The following SORD variants were observed in gnomAD, a reference collection of about 807,000 sequenced individuals.
The protein encoded by SORD is (R,R)-butanediol dehydrogenase.
SORD carries 18 observed loss-of-function variants against 35.6 expected under a neutral mutation model. That is an observed-to-expected ratio of 0.51 (90% CI 0.35 to 0.75). The LOEUF is 0.75. SORD is among the 30% of genes least tolerant of loss of function. The pLI is 0.01. For missense variants in SORD, 250 were observed against 390.2 expected (o/e 0.64, Z 3.03); for synonymous variants, 106 against 152.9 (o/e 0.69, Z 2.26).
chr15:45,035,624 G>A lies in SORD; in HGVS notation c.67-4784G>A, dbSNP rs980818582. ...CTGCCTGAGCCAGCAGTGGCAACTC[G>A]CTGGGGTCCCCTTCCACACTGTGGA... On this transcript the variant is annotated intron_variant, in intron 1 of 8. Coordinates refer to ENST00000267814, the MANE Select transcript of SORD (RefSeq NM_003104.6). Among the ~76,000 whole-genome samples, 179 of 152,144 alleles carry A rather than the reference G, an allele frequency of 1.2e-3. 2 individuals carry two copies. The highest frequency in any genetic ancestry group is 3.5e-4 in the Non-Finnish European group (24 of 68,014).
At chr15:45,054,225 C>T (rs1044762532) in intron 3 of SORD, among the ~76,000 whole-genome samples, 2 of 152,268 alleles carry the variant, frequency 1.3e-5, no homozygotes, top group Admixed American at 1.3e-4. Context: ...GCCACACTGA[C>T]TTCCACAGTG....
chr15:45,066,834 G>A (rs1389474981), intron 5 of SORD, among the ~76,000 whole-genome samples: 1 of 152,114 alleles, frequency 6.6e-6, no homozygotes. Flanking sequence ...TCAGGTGACA[G>A]ATTCTTATAA....
At chr15:45,059,414 G>C (rs1595505460) in intron 3 of SORD, among the ~76,000 whole-genome samples, 1 of 152,026 alleles carries the variant, frequency 6.6e-6, no homozygotes, top group East Asian at 1.9e-4. Context: ...AAACAACCAG[G>C]TTTTTTCCAT....
intron 4 of SORD, among the ~76,000 whole-genome samples, chr15:45,061,613 A>G (rs1318294720): frequency 1.3e-5 from 2 of 151,890 alleles, no homozygotes; most frequent in African/African-American, 4.8e-5. Context: ...CATGCCTGTA[A>G]TCCCAGCACT....
In SORD at chr15:45,068,213, A is replaced by C. The variant is rs768887678; in HGVS notation, c.577A>C (p.Lys193Gln). The C allele has an allele frequency of 1.2e-6, 2 of 1,613,804 alleles. No individual in the cohort carries two copies. The highest frequency in any genetic ancestry group is 1.7e-5 in the Admixed American group (1 of 60,004). ...PIGMVTLLVAKAMGAAQVVVT... is the reference protein window; with the variant it reads ...PIGMVTLLVAQAMGAAQVVVT... Reference sequence around the variant, plus strand: ...CGGGATGGTCACTTTGCTCGTGGCCAAAGCAATGGGAGCAGCTCAAGTAGT... The same window carrying C: ...CGGGATGGTCACTTTGCTCGTGGCCCAAGCAATGGGAGCAGCTCAAGTAGT... Residue 193 changes from lysine (K) to glutamine (Q), a missense_variant, in exon 6 of 9, where the codon AAA (lysine) becomes CAA (glutamine). Physicochemically the swap from Lys to Gln is moderately conservative, Grantham distance 53. Coordinates refer to ENST00000267814, the MANE Select transcript of SORD (RefSeq NM_003104.6).
Position 45,023,254 on chromosome 15 carries a change from C to T in SORD, c.-30C>T. The T allele has an allele frequency of 6.5e-7, 1 of 1,531,334 alleles. No individual in the cohort carries two copies. Among genetic ancestry groups the T allele is most frequent in the Non-Finnish European group, 8.8e-7 (1 of 1,139,708 alleles). 94.9% of individuals were successfully genotyped at this position (1,531,334 alleles called of 1,614,324 possible). A position where few individuals can be genotyped will look rare whatever the true frequency, so the allele number is the denominator to read the frequency against. On this transcript the variant is annotated 5_prime_UTR_variant, in exon 1 of 9. Transcript: ENST00000267814. ...GAGCGACCAAACGTCCCGCGCCTTC[C>T]AGGCCGCACTCCAGAGCCAAAAGAG...
chr15:45,071,179 G>T (rs2141128652), intron 7 of SORD, among the ~76,000 whole-genome samples: 1 of 152,308 alleles, frequency 6.6e-6, no homozygotes, highest in Admixed American at 6.5e-5. Context: ...TGTCCAGGTG[G>T]TTCCAGCATT....
intron 1 of SORD, among the ~76,000 whole-genome samples, chr15:45,024,885 C>T (rs763574236): frequency 4.1e-4 from 62 of 152,216 alleles, no homozygotes; most frequent in Non-Finnish European, 7.5e-4. Context: ...AGAGAAAAGA[C>T]GCCACAGGGA....
chr15:45,027,537 G>C (rs1028318798), intron 1 of SORD, among the ~76,000 whole-genome samples: 3 of 152,258 alleles, frequency 2.0e-5, no homozygotes, highest in African/African-American at 7.2e-5. Flanking sequence ...AGCCCCTGAG[G>C]ACGGACACTT....
intron 7 of SORD, among the ~76,000 whole-genome samples, chr15:45,069,493 A>C (rs188399365): frequency 6.6e-6 from 1 of 151,938 alleles, no homozygotes; most frequent in African/African-American, 2.4e-5. Flanking sequence ...TACAGGCGCT[A>C]TCTCTGTTTT....
chr15:45,023,226 C>A lies in SORD; in HGVS notation c.-58C>A. On this transcript the variant is annotated 5_prime_UTR_variant, in exon 1 of 9. Coordinates refer to ENST00000267814, the MANE Select transcript of SORD (RefSeq NM_003104.6). ...CTGGACCCTCGGCTGGGTAGCGCCA[C>A]CAGAGCGACCAAACGTCCCGCGCCT... is the stretch of plus-strand genomic sequence containing the variant. The A allele has an allele frequency of 6.9e-7, 1 of 1,440,054 alleles. No homozygotes were observed. The highest frequency in any genetic ancestry group is 9.3e-7 in the Non-Finnish European group (1 of 1,077,774). 89.2% of individuals were successfully genotyped at this position (1,440,054 alleles called of 1,614,324 possible).
At chr15:45,060,595 CTT>C (rs1466536321) in intron 3 of SORD, among the ~76,000 whole-genome samples, 1 of 152,156 alleles carries the variant, frequency 6.6e-6, no homozygotes, top group Non-Finnish European at 1.5e-5. Flanking sequence ...AATTATAGCT[CTT>C]GTCTTTGTAA....
intron 3 of SORD, chr15:45,060,836 G>A: frequency 1.3e-6 from 1 of 782,282 alleles, no homozygotes; most frequent in South Asian, 1.8e-5. Context: ...GAGTGACTCT[G>A]TGCTTCATCC....
At chr15:45,069,215 T>C (rs1893466664) in intron 7 of SORD, among the ~76,000 whole-genome samples, 163 bp downstream of exon 7, 1 of 135,456 alleles carries the variant, frequency 7.4e-6, no homozygotes, top group East Asian at 2.1e-4. Context: ...TTTTTTTTTT[T>C]TTTTTTTTTG....
intron 7 of SORD, chr15:45,070,835 C>A (rs1372562304): frequency 2.0e-5 from 3 of 152,194 alleles, no homozygotes; most frequent in African/African-American, 7.2e-5. Context: ...TGTGCCCTGC[C>A]CTTAGAGCAT....
chr15:45,040,541 A>G, intron 2 of SORD, 100 bp downstream of exon 2: 2 of 925,778 alleles, frequency 2.2e-6, no homozygotes, highest in Non-Finnish European at 3.5e-6. Flanking sequence ...CCAACTGTTT[A>G]TTACTTTTGC....
intron 1 of SORD, 149 bp downstream of exon 1, chr15:45,023,498 G>A (rs1182652783): frequency 3.2e-6 from 2 of 629,340 alleles, no homozygotes; most frequent in African/African-American, 1.9e-5. Flanking sequence ...TTCCCCTCGG[G>A]GTGTGGGGGC....
chr15:45,065,682 A>C (rs1201242270), intron 5 of SORD, among the ~76,000 whole-genome samples: 1 of 152,194 alleles, frequency 6.6e-6, no homozygotes, highest in Non-Finnish European at 1.5e-5. Context: ...CACTTTGGGA[A>C]ACCAAAGCCG....
intron 7 of SORD, among the ~76,000 whole-genome samples, chr15:45,069,395 A>T (rs1287918730): frequency 1.3e-5 from 2 of 151,088 alleles, no homozygotes; most frequent in African/African-American, 4.9e-5. Flanking sequence ...TTTTTTTAGA[A>T]GAGATGGGGT....
Sources: allele counts gnomAD v4.1 joint callset (sites outside exome capture counted in the v4.1 genomes callset), GRCh38; gene constraint gnomAD v4.1.1; transcripts MANE v1.5; gene names NCBI Gene and HGNC (gene_info 2026-07-23, HGNC 2026-07-21).